The following PCDH9 variants were observed in gnomAD, a reference collection of about 807,000 sequenced individuals.
The protein encoded by PCDH9 is protocadherin 9, also known as protocadherin-9.
A neutral mutation model predicts 70.6 loss-of-function variants in PCDH9; 24 were observed. The observed-to-expected ratio is 0.34, with a 90% CI of 0.25 to 0.48. The LOEUF (loss-of-function observed/expected upper bound fraction) is 0.48, where lower values mean the gene tolerates loss of function less well. PCDH9 is among the 20% of genes least tolerant of loss of function. The pLI, the probability that PCDH9 is intolerant of heterozygous loss-of-function variation, is 0.99. For synonymous variants in PCDH9, 562 were observed against 558.5 expected (o/e 1.01, Z -0.09); for missense variants, 1,281 against 1,503.6 (o/e 0.85, Z 2.45).
chr13:66,794,464 C>A (rs562246253), intron 3 of PCDH9, among the ~76,000 whole-genome samples: 5 of 152,270 alleles, frequency 3.3e-5, no homozygotes, highest in Admixed American at 3.3e-4. Context: ...AGACACCTGT[C>A]TTTTTACTTC....
intron 2 of PCDH9, among the ~76,000 whole-genome samples, chr13:66,961,790 T>C (rs1226008110): frequency 6.6e-6 from 1 of 152,126 alleles, no homozygotes; most frequent in Non-Finnish European, 1.5e-5. Flanking sequence ...CGGTGGCTCA[T>C]ACCTGTAATC....
At chr13:66,782,015 T>C (rs1378187931) in intron 3 of PCDH9, among the ~76,000 whole-genome samples, 2 of 152,148 alleles carry the variant, frequency 1.3e-5, no homozygotes, top group Non-Finnish European at 2.9e-5. Context: ...TTTGTCCAAG[T>C]AAATCTCAAT....
intron 3 of PCDH9, among the ~76,000 whole-genome samples, chr13:66,730,141 G>A (rs1181969316): frequency 6.6e-6 from 1 of 151,962 alleles, no homozygotes; most frequent in East Asian, 1.9e-4. Flanking sequence ...CAAATCACTT[G>A]ATTAATTCTA....
At chr13:66,542,607 TA>T (rs1961010082) in intron 4 of PCDH9, among the ~76,000 whole-genome samples, 1 of 150,946 alleles carries the variant, frequency 6.6e-6, no homozygotes, top group Non-Finnish European at 1.5e-5. Context: ...GCCTATTCCT[TA>T]AAATAAATAT....
intron 4 of PCDH9, among the ~76,000 whole-genome samples, chr13:66,438,803 G>C (rs879686497): frequency 3.3e-5 from 5 of 152,128 alleles, no homozygotes; most frequent in Non-Finnish European, 5.9e-5. Context: ...GATACAAAAA[G>C]GAATAAATGG....
At chr13:67,032,212 T>C (rs2084921376) in intron 2 of PCDH9, among the ~76,000 whole-genome samples, 1 of 152,178 alleles carries the variant, frequency 6.6e-6, no homozygotes, top group Admixed American at 6.5e-5. Flanking sequence ...GGCACAATCA[T>C]GGCTCACTGT....
chr13:66,305,186 T>C (rs1955443568), intron 4 of PCDH9, among the ~76,000 whole-genome samples, 158 bp from the exon 5 acceptor site: 1 of 152,104 alleles, frequency 6.6e-6, no homozygotes, highest in African/African-American at 2.4e-5. Flanking sequence ...CTTTTAAAGA[T>C]TAACACAAAA....
intron 4 of PCDH9, among the ~76,000 whole-genome samples, chr13:66,316,490 C>T (rs1489524029): frequency 6.6e-6 from 1 of 152,094 alleles, no homozygotes; most frequent in African/African-American, 2.4e-5. Context: ...CACTTCTTTC[C>T]CTGTACTTCC....
At chr13:66,971,039 C>A (rs1347240118) in intron 2 of PCDH9, among the ~76,000 whole-genome samples, 2 of 152,096 alleles carry the variant, frequency 1.3e-5, no homozygotes, top group African/African-American at 4.8e-5. Context: ...TGTGGCCATG[C>A]ATGAGCTCAG....
rs1961493982 is a variant in PCDH9 at position 66,551,631 on chromosome 13, C to T, written c.3340+79579G>A. 1.3e-5 allele frequency among the ~76,000 whole-genome samples: 2 copies of T among 152,038 alleles called. 1 individual carries two copies. The highest frequency in any genetic ancestry group is 4.2e-4 in the South Asian group (2 of 4,810). Reference sequence around the variant, plus strand: ...ATAGAAGAAGTTATTTAGTAGATTTCAAGTCTGAAGCAGAAACAAACTTTG... The same window carrying T: ...ATAGAAGAAGTTATTTAGTAGATTTTAAGTCTGAAGCAGAAACAAACTTTG... On this transcript the variant is annotated intron_variant, in intron 4 of 4. Transcript: ENST00000377865.
At chr13:66,364,776 T>C (rs1475313620) in intron 4 of PCDH9, among the ~76,000 whole-genome samples, 2 of 152,142 alleles carry the variant, frequency 1.3e-5, no homozygotes, top group African/African-American at 2.4e-5. Flanking sequence ...ACATCCTTCA[T>C]AGGTGTGAGG....
chr13:66,618,282 C>T (rs1221424502), intron 4 of PCDH9, among the ~76,000 whole-genome samples: 1 of 152,180 alleles, frequency 6.6e-6, no homozygotes, highest in East Asian at 1.9e-4. Context: ...ACTGGACATT[C>T]TGTATCTCAT....
chr13:66,825,223 C>A (rs903881631), intron 3 of PCDH9: 3 of 150,354 alleles, frequency 2.0e-5, no homozygotes, highest in Non-Finnish European at 4.4e-5. Context: ...TCTTCTTCTT[C>A]TTCTCTCGAA....
intron 3 of PCDH9, among the ~76,000 whole-genome samples, chr13:66,713,625 G>GATATATATATATA (rs2078826521): frequency 9.1e-6 from 1 of 110,012 alleles, no homozygotes. Flanking sequence ...GTGTGTGTGT[G>GATATATATATATA]TATATATATA....
chr13:66,357,568 G>A (rs368156457), intron 4 of PCDH9, among the ~76,000 whole-genome samples: 16 of 152,080 alleles, frequency 1.1e-4, no homozygotes, highest in African/African-American at 3.6e-4. Context: ...CTGTGAAAAA[G>A]CAGATTATAA....
At position 66,660,402 on chromosome 13, in the gene PCDH9, A is replaced by G. The variant is rs188823532; in HGVS notation, c.3139-28991T>C. Among the ~76,000 whole-genome samples the G allele has an allele frequency of 1.1e-3, 166 of 152,220 alleles. 1 individual carries two copies. The highest frequency in any genetic ancestry group is 3.9e-3 in the African/African-American group (164 of 41,530). On this transcript the variant is annotated intron_variant, in intron 3 of 4. Coordinates refer to ENST00000377865, the MANE Select transcript of PCDH9 (RefSeq NM_203487.3). ...AGGCTGCAGTAGATAAGGTCTCCTG[A>G]GAATATGAAGGAAGAAGTATGTTCA...
intron 3 of PCDH9, among the ~76,000 whole-genome samples, chr13:66,730,597 C>A (rs897752070): frequency 6.6e-6 from 1 of 151,880 alleles, no homozygotes; most frequent in African/African-American, 2.4e-5. Context: ...GAGGGTGGAG[C>A]ATATGTATAT....
intron 4 of PCDH9, among the ~76,000 whole-genome samples, chr13:66,603,313 T>C (rs1428202211): frequency 6.6e-6 from 1 of 151,994 alleles, no homozygotes; most frequent in Non-Finnish European, 1.5e-5. Context: ...GTGGCTACAA[T>C]AACCACCAAA....
At chr13:66,639,602 C>T (rs751931701) in intron 3 of PCDH9, among the ~76,000 whole-genome samples, 20 of 150,592 alleles carry the variant, frequency 1.3e-4, no homozygotes, top group Non-Finnish European at 3.0e-4. Context: ...AGTCTTGGTG[C>T]TTGAATTTAA....
Sources: gnomAD v4.1 joint callset for allele counts (sites outside exome capture counted in the v4.1 genomes callset) on GRCh38, gnomAD v4.1.1 for gene constraint, MANE v1.5 for transcripts, NCBI Gene and HGNC (gene_info 2026-07-23, HGNC 2026-07-21) for gene names.